PTPRM: variants seen among roughly 807,000 people sequenced by gnomAD.
The protein encoded by PTPRM is protein tyrosine phosphatase receptor type M.
A neutral mutation model predicts 186.7 loss-of-function variants in PTPRM; 47 were observed. That is an observed-to-expected ratio of 0.25 (90% confidence interval 0.20 to 0.32). The LOEUF (loss-of-function observed/expected upper bound fraction) is 0.32, where lower values mean the gene tolerates loss of function less well. Ranked by LOEUF, PTPRM falls within the 10% of genes least tolerant of loss-of-function variation. The pLI is 1.00. For synonymous variants in PTPRM, 668 were observed against 674.9 expected (o/e 0.99, Z 0.16); for missense variants, 1,494 against 1,865.0 (o/e 0.80, Z 3.66).
At chr18:8,243,348 A>T (rs2094449476) in intron 14 of PTPRM, among the ~76,000 whole-genome samples, 1 of 152,202 alleles carries the variant, frequency 6.6e-6, no homozygotes, top group Admixed American at 6.5e-5. Context: ...ACCCAGCGAC[A>T]TGACATTTTT....
At chr18:8,235,620 T>G (rs2094337520) in intron 14 of PTPRM, among the ~76,000 whole-genome samples, 1 of 151,886 alleles carries the variant, frequency 6.6e-6, no homozygotes, top group African/African-American at 2.4e-5. Flanking sequence ...TTCTTTAGAT[T>G]TAATTTTATC....
chr18:7,991,479 A>G (rs2083267197), intron 7 of PTPRM, among the ~76,000 whole-genome samples: 1 of 152,202 alleles, frequency 6.6e-6, no homozygotes, highest in East Asian at 1.9e-4. Flanking sequence ...GGCAATCTTC[A>G]GAAGTAGTAA....
chr18:8,076,655 A>G (rs561436653), intron 9 of PTPRM, 91 bp downstream of exon 9: 153 of 624,612 alleles, frequency 2.4e-4, no homozygotes, highest in Non-Finnish European at 3.5e-4. Context: ...GCATACTTAC[A>G]TAATATATTT....
intron 15 of PTPRM, among the ~76,000 whole-genome samples, chr18:8,246,454 T>C (rs1428870190): frequency 1.3e-5 from 2 of 152,092 alleles, no homozygotes; most frequent in African/African-American, 2.4e-5. Flanking sequence ...ATACAGGTAG[T>C]GGGAATGGGT....
At chr18:8,085,956 C>A in intron 10 of PTPRM, 84 bp downstream of exon 10, 1 of 1,310,484 alleles carries the variant, frequency 7.6e-7, no homozygotes, top group South Asian at 1.2e-5. Flanking sequence ...ATGCCAAGCT[C>A]GCCCACACTA....
intron 1 of PTPRM, among the ~76,000 whole-genome samples, chr18:7,652,920 A>C (rs369187337): frequency 2.0e-5 from 3 of 152,048 alleles, no homozygotes; most frequent in East Asian, 3.9e-4. Flanking sequence ...ACTACTACTA[A>C]TAAAAAAGGG....
intron 2 of PTPRM, among the ~76,000 whole-genome samples, chr18:7,820,209 T>C (rs1019235764): frequency 6.6e-6 from 1 of 152,116 alleles, no homozygotes; most frequent in African/African-American, 2.4e-5. Flanking sequence ...GTGGGAAGCT[T>C]TGTCCTTGGA....
chr18:7,858,265 G>A (rs1163262827), intron 2 of PTPRM, among the ~76,000 whole-genome samples: 2 of 152,152 alleles, frequency 1.3e-5, no homozygotes, highest in East Asian at 3.9e-4. Context: ...TTATTAAAAA[G>A]TAAGTTCTGG....
At chr18:8,343,340 A>T in intron 22 of PTPRM, 83 bp from the exon 23 acceptor site, 2 of 1,140,546 alleles carry the variant, frequency 1.8e-6, no homozygotes, top group Non-Finnish European at 2.6e-6. Flanking sequence ...TGTGGGTATT[A>T]ATAGATGTAT....
At chr18:8,116,102 A>G (rs1263013072) in intron 13 of PTPRM, among the ~76,000 whole-genome samples, 5 of 152,264 alleles carry the variant, frequency 3.3e-5, no homozygotes, top group African/African-American at 1.2e-4. Context: ...AAACTGCCGT[A>G]TGCTATCAGC....
At chr18:7,618,989 A>G (rs75181065) in intron 1 of PTPRM, among the ~76,000 whole-genome samples, 1 of 152,170 alleles carries the variant, frequency 6.6e-6, no homozygotes, top group Non-Finnish European at 1.5e-5. Flanking sequence ...GCTTTCAAGC[A>G]TGAAACAGTC....
At position 8,018,460 on chromosome 18, in the gene PTPRM, G is replaced by A. The variant is rs117265965; in HGVS notation, c.1133-51226G>A. On this transcript the variant is annotated intron_variant, in intron 7 of 32. Transcript: ENST00000580170. ...TCACAGAGCATTCGATTTATCCTCT[G>A]GGCAGAAGGAGCTTCTGCTGCTGAT... Among the ~76,000 whole-genome samples, 309 of 152,238 alleles carry A rather than the reference G, an allele frequency of 2.0e-3. 1 individual carries two copies. Among genetic ancestry groups the A allele is most frequent in the Non-Finnish European group, 2.9e-3 (195 of 68,018 alleles).
chr18:7,841,384 T>G (rs1432154328), intron 2 of PTPRM, among the ~76,000 whole-genome samples: 1 of 143,650 alleles, frequency 7.0e-6, no homozygotes, highest in East Asian at 2.2e-4. Flanking sequence ...CTCCGCCTCC[T>G]GGGTTCACGC....
chr18:8,392,951 G>T (rs1293822110), intron 31 of PTPRM, among the ~76,000 whole-genome samples: 1 of 152,212 alleles, frequency 6.6e-6, no homozygotes, highest in South Asian at 2.1e-4. Context: ...CTTTCTTAGT[G>T]TAGAATGTTG....
intron 11 of PTPRM, among the ~76,000 whole-genome samples, chr18:8,100,616 G>A (rs1434679287): frequency 6.6e-6 from 1 of 152,152 alleles, no homozygotes; most frequent in Admixed American, 6.5e-5. Context: ...TGAGATTTGG[G>A]CAGGGACAAA....
intron 14 of PTPRM, among the ~76,000 whole-genome samples, chr18:8,224,120 T>G (rs1383713798): frequency 2.0e-5 from 3 of 152,216 alleles, no homozygotes; most frequent in Non-Finnish European, 2.9e-5. Flanking sequence ...GCTTCTTTAA[T>G]GATGAAACCC....
In PTPRM at chr18:8,125,996, TATATATATATATATA is replaced by T. The variant is rs2092333541; in HGVS notation, c.2167+11170_2167+11184del. On this transcript the variant is annotated intron_variant, in intron 13 of 32. Coordinates refer to ENST00000580170, the MANE Select transcript of PTPRM (RefSeq NM_001105244.2). ...GTATACATATATATATATATATATA[TATATATATATATATA>T]TATATATATATATATATTTTAAATC... Among the ~76,000 whole-genome samples, 8 of 13,232 alleles carry T rather than the reference TATATATATATATATA, an allele frequency of 6.0e-4. No individual in the cohort carries two copies. The South Asian group carries it at 0.017, about 29-fold the overall frequency. 8.7% of individuals were successfully genotyped at this position (13,232 alleles called of 152,430 possible).
At chr18:7,827,502 G>C (rs553583654) in intron 2 of PTPRM, among the ~76,000 whole-genome samples, 52 of 152,310 alleles carry the variant, frequency 3.4e-4, no homozygotes, top group African/African-American at 1.2e-3. Flanking sequence ...AATTACTTGA[G>C]GTTAAGGACT....
intron 1 of PTPRM, among the ~76,000 whole-genome samples, chr18:7,700,992 A>AG: frequency 6.9e-6 from 1 of 145,708 alleles, no homozygotes; most frequent in African/African-American, 2.5e-5. Flanking sequence ...AAAAAAAAAA[A>AG]AAAAGAAAGA....
Sources: allele counts gnomAD v4.1 joint callset (sites outside exome capture counted in the v4.1 genomes callset), GRCh38; gene constraint gnomAD v4.1.1; transcripts MANE v1.5; gene names NCBI Gene and HGNC (gene_info 2026-07-23, HGNC 2026-07-21).